The following KATNAL1 variants were observed in gnomAD, a reference collection of about 807,000 sequenced individuals.
The protein encoded by KATNAL1 is katanin p60 ATPase-containing subunit A-like 1.
In KATNAL1, 32 loss-of-function variants were observed where a neutral mutation model predicts 55.2. The ratio of observed to expected loss-of-function variants is 0.58; its 90% CI spans 0.44 to 0.78. KATNAL1 has a LOEUF of 0.78. Ranked by LOEUF, KATNAL1 falls within the 30% of genes least tolerant of loss-of-function variation. KATNAL1 has a pLI of 0.00. For missense variants in KATNAL1, 466 were observed against 600.9 expected (o/e 0.78, Z 2.35); for synonymous variants, 193 against 193.6 (o/e 1.00, Z 0.02).
intron 2 of KATNAL1, 137 bp from the exon 3 acceptor site, chr13:30,280,360 A>G: frequency 1.6e-6 from 1 of 612,724 alleles, no homozygotes; most frequent in Non-Finnish European, 2.5e-6. Context: ...TCATAAATAC[A>G]AAGAACTATT....
intron 3 of KATNAL1, among the ~76,000 whole-genome samples, chr13:30,269,444 G>A (rs1016846375): frequency 6.6e-6 from 1 of 152,226 alleles, no homozygotes; most frequent in African/African-American, 2.4e-5. Context: ...ACCTCCGCCT[G>A]CCTTGGCCAC....
intron 1 of KATNAL1, among the ~76,000 whole-genome samples, chr13:30,299,835 C>T (rs1194773504): frequency 6.6e-6 from 1 of 152,168 alleles, no homozygotes; most frequent in East Asian, 1.9e-4. Flanking sequence ...ATGCTCAGAT[C>T]AAGAAGGAAT....
intron 3 of KATNAL1, among the ~76,000 whole-genome samples, chr13:30,266,336 C>T (rs964414399): frequency 1.7e-4 from 26 of 152,210 alleles, no homozygotes; most frequent in African/African-American, 6.3e-4. Context: ...TGCTTGGTCC[C>T]AATTACAAAC....
At chr13:30,261,737 A>G (rs1344552231) in intron 3 of KATNAL1, among the ~76,000 whole-genome samples, 1 of 152,210 alleles carries the variant, frequency 6.6e-6, no homozygotes, top group Admixed American at 6.5e-5. Context: ...GTGACCTACA[A>G]AGAGACTTAA....
chr13:30,214,456 C>T (rs548902740), intron 9 of KATNAL1, among the ~76,000 whole-genome samples: 39 of 152,244 alleles, frequency 2.6e-4, no homozygotes, highest in South Asian at 1.2e-3. Flanking sequence ...AAAGAGCCCA[C>T]GTCGCCAAGT....
intron 4 of KATNAL1, among the ~76,000 whole-genome samples, chr13:30,248,642 A>G (rs1342034108): frequency 6.6e-6 from 1 of 152,240 alleles, no homozygotes; most frequent in Admixed American, 6.5e-5. Flanking sequence ...AAGACTGACA[A>G]CGCCGGGCGC....
At chr13:30,258,843 G>T (rs1278281973) in intron 3 of KATNAL1, among the ~76,000 whole-genome samples, 1 of 152,110 alleles carries the variant, frequency 6.6e-6, no homozygotes, top group African/African-American at 2.4e-5. Flanking sequence ...AATTTCAGTG[G>T]TGTCTTCACA....
chr13:30,240,077 T>A (rs1877109751), intron 6 of KATNAL1, among the ~76,000 whole-genome samples: 1 of 152,062 alleles, frequency 6.6e-6, no homozygotes, highest in African/African-American at 2.4e-5. Flanking sequence ...TAATTAACCA[T>A]CAGTGAGAAA....
chr13:30,262,182 C>T (rs1202580559), intron 3 of KATNAL1, among the ~76,000 whole-genome samples: 1 of 151,350 alleles, frequency 6.6e-6, no homozygotes, highest in Non-Finnish European at 1.5e-5. Context: ...AGAACAAAGA[C>T]ACAACATACC....
At chr13:30,239,516 T>C (rs914371878) in intron 6 of KATNAL1, among the ~76,000 whole-genome samples, 9 of 152,206 alleles carry the variant, frequency 5.9e-5, no homozygotes, top group Non-Finnish European at 1.0e-4. Flanking sequence ...AATAGTTCTA[T>C]TCAAGAATTT....
chr13:30,274,234 C>T (rs1880586162), intron 3 of KATNAL1, among the ~76,000 whole-genome samples: 3 of 152,144 alleles, frequency 2.0e-5, no homozygotes, highest in Admixed American at 6.5e-5. Flanking sequence ...GGTGAAATAC[C>T]TGTATGTATG....
At chr13:30,246,487 A>C (rs1490278954) in intron 4 of KATNAL1, among the ~76,000 whole-genome samples, 8 of 152,206 alleles carry the variant, frequency 5.3e-5, no homozygotes, top group Admixed American at 5.2e-4. Flanking sequence ...GCATGGGTAA[A>C]GACTTCATGA....
intron 9 of KATNAL1, among the ~76,000 whole-genome samples, chr13:30,220,618 T>C (rs187136296): frequency 1.3e-5 from 2 of 152,370 alleles, no homozygotes; most frequent in Non-Finnish European, 2.9e-5. Flanking sequence ...GCATGGCTTA[T>C]AGGTTCTAAA....
chr13:30,227,512 G>A lies in KATNAL1; in HGVS notation c.1047C>T (p.Ser349=), dbSNP rs1438750851. ...VGGALENDDP[S]KMVMVLAATN... Reference sequence around the variant, plus strand: ...TAGCAGCCAATACCATAACCATTTTGGAAGGATCATCATTTTCTAAAGCTC... The same window carrying A: ...TAGCAGCCAATACCATAACCATTTTAGAAGGATCATCATTTTCTAAAGCTC... Residue 349 remains serine (S), a synonymous_variant, in exon 9 of 11, where the codon TCC becomes TCT. Coordinates refer to ENST00000380615, the MANE Select transcript of KATNAL1 (RefSeq NM_032116.5). 1 of 1,613,720 alleles carries A rather than the reference G, an allele frequency of 6.2e-7. No individual in the cohort carries two copies. Among genetic ancestry groups the A allele is most frequent in the Admixed American group, 1.7e-5 (1 of 59,988 alleles).
intron 3 of KATNAL1, among the ~76,000 whole-genome samples, chr13:30,260,317 T>A (rs916511314): frequency 2.6e-5 from 4 of 151,992 alleles, no homozygotes; most frequent in African/African-American, 9.7e-5. Context: ...GCAGAGTGCC[T>A]CTCCTCCTCC....
chr13:30,303,413 A>C (rs746143645), intron 1 of KATNAL1, among the ~76,000 whole-genome samples: 3 of 152,212 alleles, frequency 2.0e-5, no homozygotes, highest in Non-Finnish European at 2.9e-5. Flanking sequence ...TGTTTAAAAT[A>C]ATGTTGAGCC....
At position 30,260,485 on chromosome 13, in the gene KATNAL1, G is replaced by A. The variant is rs1360831797; in HGVS notation, c.324-4870C>T. Among the ~76,000 whole-genome samples the A allele has an allele frequency of 2.0e-5, 3 of 152,164 alleles. No individual in the cohort carries two copies. The South Asian group carries it at 6.2e-4, about 31-fold the overall frequency. ...TGAAAACTTTGAAAAAAGTTTAGAAGAATGTATAACTAGAATAACCAACAC... is the reference window on the plus strand; with the variant it reads ...TGAAAACTTTGAAAAAAGTTTAGAAAAATGTATAACTAGAATAACCAACAC... On this transcript the variant is annotated intron_variant, in intron 3 of 10. Coordinates refer to ENST00000380615, the MANE Select transcript of KATNAL1 (RefSeq NM_032116.5).
In KATNAL1 at chr13:30,269,307, C is replaced by A. The variant is rs1384575763; in HGVS notation, c.323+10756G>T. ...CTGTGTTGGCCGGGCTGGTCTCCAGCTCCTAACCGCGAGTGATCCACCAGC... is the reference window on the plus strand; with the variant it reads ...CTGTGTTGGCCGGGCTGGTCTCCAGATCCTAACCGCGAGTGATCCACCAGC... On this transcript the variant is annotated intron_variant, in intron 3 of 10. Coordinates refer to ENST00000380615, the MANE Select transcript of KATNAL1 (RefSeq NM_032116.5). 2.0e-5 allele frequency among the ~76,000 whole-genome samples: 3 copies of A among 152,366 alleles called. No individual in the cohort carries two copies. The South Asian group carries it at 6.2e-4, about 32-fold the overall frequency.
intron 1 of KATNAL1, among the ~76,000 whole-genome samples, chr13:30,306,359 T>C (rs981131632): frequency 3.9e-5 from 6 of 152,162 alleles, no homozygotes; most frequent in Non-Finnish European, 8.8e-5. Context: ...AAAGAATTAT[T>C]GCTGCCTACT....
Sources: gnomAD v4.1 joint callset for allele counts (sites outside exome capture counted in the v4.1 genomes callset) on GRCh38, gnomAD v4.1.1 for gene constraint, MANE v1.5 for transcripts, NCBI Gene and HGNC (gene_info 2026-07-23, HGNC 2026-07-21) for gene names.